LIMCH1: variants seen among roughly 807,000 people sequenced by gnomAD.
The protein encoded by LIMCH1 is LIM and calponin homology domains-containing protein 1.
In LIMCH1, 113 loss-of-function variants were observed where a neutral mutation model predicts 176.5. The observed-to-expected ratio is 0.64, with a 90% CI of 0.55 to 0.75. The LOEUF (loss-of-function observed/expected upper bound fraction) is 0.75. Among genes scored for constraint, LIMCH1 ranks in the 30% least tolerant of loss-of-function variants. LIMCH1 has a pLI of 0.00. For missense variants in LIMCH1, 1,674 were observed against 1,814.9 expected, an observed-to-expected ratio of 0.92 and a Z score of 1.41; for synonymous variants, 619 against 645.9, an observed-to-expected ratio of 0.96 and a Z score of 0.63.
chr4:41,672,695 A>C (rs550469042), intron 22 of LIMCH1, among the ~76,000 whole-genome samples: 4 of 152,296 alleles, frequency 2.6e-5, no homozygotes, highest in African/African-American at 9.6e-5. Context: ...TGGCATCTGA[A>C]CTGGTATTTC....
In LIMCH1 at chr4:41,631,272, CA is replaced by C. The variant is rs1332299977; in HGVS notation, c.1400del (p.Lys467SerfsTer8). ...CTCTAAGAAAGCTTCCAGCCCCAGG[CA>C]AAAGTTTGTGCACTTTGGGCCAGTG... ...RASKKASSPR[Q>X]KFVHFGPVTE... On this transcript the variant is annotated frameshift_variant, in exon 10 of 32. Transcript: ENST00000503057. LOFTEE classifies it high-confidence loss of function. 2.0e-6 allele frequency: 3 copies of C among 1,535,946 alleles called. No homozygotes were observed. Among genetic ancestry groups the C allele is most frequent in the Admixed American group, 2.0e-5 (1 of 50,960 alleles).
chr4:41,689,888 C>A, intron 30 of LIMCH1: 1 of 328,938 alleles, frequency 3.0e-6, no homozygotes. Context: ...AACATATACT[C>A]CAGCAGGAGG....
At chr4:41,560,745 A>G (rs1240875743) in intron 1 of LIMCH1, among the ~76,000 whole-genome samples, 2 of 151,986 alleles carry the variant, frequency 1.3e-5, no homozygotes, top group African/African-American at 4.8e-5. Flanking sequence ...TCGGTCAGGC[A>G]TGGTGGCATG....
chr4:41,652,053 T>G (rs1261350759), intron 18 of LIMCH1, among the ~76,000 whole-genome samples: 3 of 152,164 alleles, frequency 2.0e-5, no homozygotes, highest in Non-Finnish European at 4.4e-5. Context: ...GCATTTGGGT[T>G]TATATTATAG....
In LIMCH1 at chr4:41,599,900, T is replaced by G. The variant is rs963587766; in HGVS notation, c.-134+874T>G. ...ACAATTTGCTTGATTTTATACTATT[T>G]GCTTGATTTTTATATTATATTTGCT... On this transcript the variant is annotated intron_variant, in intron 2 of 31. Transcript: ENST00000503057. Among the ~76,000 whole-genome samples the G allele has an allele frequency of 1.3e-4, 20 of 152,216 alleles. 1 individual carries two copies. The highest frequency in any genetic ancestry group is 4.8e-4 in the African/African-American group (20 of 41,460).
At chr4:41,677,020 G>C (rs1328401348) in intron 23 of LIMCH1, among the ~76,000 whole-genome samples, 3 of 151,946 alleles carry the variant, frequency 2.0e-5, no homozygotes, top group African/African-American at 7.3e-5. Flanking sequence ...AAAATTAGCT[G>C]GGCATGGTGA....
intron 14 of LIMCH1, among the ~76,000 whole-genome samples, chr4:41,644,291 G>A (rs1180612124): frequency 6.6e-6 from 1 of 152,136 alleles, no homozygotes; most frequent in East Asian, 1.9e-4. Flanking sequence ...ACATTTTGGC[G>A]TTTGCGGCAA....
chr4:41,582,841 G>A (rs150009979), intron 1 of LIMCH1, among the ~76,000 whole-genome samples: 69 of 152,258 alleles, frequency 4.5e-4, no homozygotes, highest in African/African-American at 1.6e-3. Flanking sequence ...ATAAGTTGGA[G>A]GGAAAGACTA....
At chr4:41,601,083 A>G (rs1291951710) in intron 2 of LIMCH1, among the ~76,000 whole-genome samples, 1 of 152,008 alleles carries the variant, frequency 6.6e-6, no homozygotes, top group African/African-American at 2.4e-5. Flanking sequence ...ATACTTTGCC[A>G]TCACATTCCC....
At chr4:41,692,215 G>A in intron 30 of LIMCH1, 67 bp from the exon 31 acceptor site, 2 of 913,206 alleles carry the variant, frequency 2.2e-6, no homozygotes, top group Non-Finnish European at 3.7e-6. Context: ...CACATAAACA[G>A]TAACTAAGCA....
intron 14 of LIMCH1, 33 bp from the exon 15 acceptor site, chr4:41,644,467 G>T: frequency 6.8e-7 from 1 of 1,460,444 alleles, no homozygotes; most frequent in Non-Finnish European, 9.1e-7. Context: ...CGCTGATCGC[G>T]GTCCCTCTTG....
intron 2 of LIMCH1, among the ~76,000 whole-genome samples, chr4:41,501,070 G>T (rs1163812084): frequency 6.6e-6 from 1 of 152,186 alleles, no homozygotes; most frequent in Non-Finnish European, 1.5e-5. Context: ...GGGGCTCCGG[G>T]TGAGGTCACT....
intron 1 of LIMCH1, chr4:41,494,486 T>C (rs1244508945): frequency 1.1e-5 from 15 of 1,375,916 alleles, no homozygotes; most frequent in Non-Finnish European, 1.4e-5. Flanking sequence ...ATTGGACTTC[T>C]TGATTAAAAA....
At chr4:41,626,106 A>G (rs1167770600) in intron 7 of LIMCH1, among the ~76,000 whole-genome samples, 1 of 152,224 alleles carries the variant, frequency 6.6e-6, no homozygotes, top group Non-Finnish European at 1.5e-5. Flanking sequence ...GGGCAAGATA[A>G]GCTTCCTGGG....
Position 41,633,682 on chromosome 4 carries a change from T to C in LIMCH1, c.1964T>C (p.Met655Thr). The change falls in exon 13 of 32, where the codon ATG (methionine) becomes ACG (threonine). Residue 655 changes from methionine (M) to threonine (T), a missense_variant. This residue lies in a region of LIMCH1 where 1,015 missense variants were observed against 1,102.5 expected (regional missense o/e 0.92). Transcript: ENST00000503057. ...GATGATTCACGAAAAGATGACATGA[T>C]GGCCAGGAGAACTGGGATGTCCCTT... ...KLDDSRKDDM[M>T]ARRTGMSLRH... 1 of 1,536,188 alleles carries C rather than the reference T, an allele frequency of 6.5e-7. No homozygotes were observed. The highest frequency in any genetic ancestry group is 8.7e-7 in the Non-Finnish European group (1 of 1,146,924).
intron 1 of LIMCH1, among the ~76,000 whole-genome samples, chr4:41,424,120 C>T (rs573150244): frequency 6.6e-6 from 1 of 151,844 alleles, no homozygotes; most frequent in African/African-American, 2.4e-5. Flanking sequence ...TGCGTACTAG[C>T]CTTATACATG....
chr4:41,525,138 A>T (rs1583488382), intron 3 of LIMCH1, among the ~76,000 whole-genome samples: 1 of 152,310 alleles, frequency 6.6e-6, no homozygotes, highest in Non-Finnish European at 1.5e-5. Context: ...TAATTGCTTC[A>T]TCGATGTTGC....
intron 1 of LIMCH1, among the ~76,000 whole-genome samples, chr4:41,366,401 G>C (rs377234337): frequency 4.1e-4 from 63 of 152,234 alleles, no homozygotes; most frequent in African/African-American, 1.4e-3. Flanking sequence ...CCAGTTCACT[G>C]TTCTGAGATT....
intron 1 of LIMCH1, among the ~76,000 whole-genome samples, chr4:41,448,525 C>T (rs1390539780): frequency 6.7e-6 from 1 of 148,464 alleles, no homozygotes; most frequent in Non-Finnish European, 1.5e-5. Context: ...TAAGGAAGCA[C>T]AATTCATTAA....
Sources: gnomAD v4.1 joint callset for allele counts (sites outside exome capture counted in the v4.1 genomes callset) on GRCh38, gnomAD v4.1.1 for gene constraint, gnomAD v4.1.1 regional missense constraint, MANE v1.5 for transcripts, NCBI Gene and HGNC (gene_info 2026-07-23, HGNC 2026-07-21) for gene names.